GRIA1: variants seen among roughly 807,000 people sequenced by gnomAD.
GRIA1 encodes glutamate ionotropic receptor AMPA type subunit 1.
A neutral mutation model predicts 99.2 loss-of-function variants in GRIA1; 31 were observed. That is an observed-to-expected ratio of 0.31 (90% CI 0.23 to 0.42). The LOEUF is 0.42. Ranked by LOEUF, GRIA1 falls within the 10% of genes least tolerant of loss-of-function variation. GRIA1 has a pLI of 1.00. For missense variants in GRIA1, 782 were observed against 1,157.5 expected, an observed-to-expected ratio of 0.68 and a Z score of 4.71; for synonymous variants, 438 against 432.4, an observed-to-expected ratio of 1.01 and a Z score of -0.16.
intron 2 of GRIA1, among the ~76,000 whole-genome samples, chr5:153,544,683 A>G (rs1759444416): frequency 6.6e-6 from 1 of 152,184 alleles, no homozygotes; most frequent in African/African-American, 2.4e-5. Context: ...ATTTAGATAA[A>G]CCAAAGGCAG....
At chr5:153,739,214 G>A (rs193097973) in intron 11 of GRIA1, among the ~76,000 whole-genome samples, 1 of 152,178 alleles carries the variant, frequency 6.6e-6, no homozygotes, top group Non-Finnish European at 1.5e-5. Flanking sequence ...TTTCCACCAA[G>A]GATCTCATTG....
At position 153,690,634 on chromosome 5, in the gene GRIA1, A is replaced by G. The variant is rs1038356357; in HGVS notation, c.1134+4305A>G. ...TAGGCCACAGGGATTTTATATCAGCATTGCATTTGGGGGAGTCAGGCTGTG... is the reference window on the plus strand; with the variant it reads ...TAGGCCACAGGGATTTTATATCAGCGTTGCATTTGGGGGAGTCAGGCTGTG... On this transcript the variant is annotated intron_variant, in intron 8 of 15. Coordinates refer to ENST00000285900, the MANE Select transcript of GRIA1 (RefSeq NM_000827.4). Among the ~76,000 whole-genome samples the G allele has an allele frequency of 1.2e-4, 18 of 152,326 alleles. No individual in the cohort carries two copies. The East Asian group carries it at 2.7e-3, about 23-fold the overall frequency.
chr5:153,494,156 C>A, intron 2 of GRIA1, 91 bp downstream of exon 2: 3 of 1,350,910 alleles, frequency 2.2e-6, no homozygotes, highest in Non-Finnish European at 2.1e-6. Context: ...GCAAAAATGA[C>A]TTCAGTTGCC....
intron 2 of GRIA1, among the ~76,000 whole-genome samples, chr5:153,559,052 C>T (rs1201367624): frequency 1.3e-5 from 2 of 152,186 alleles, no homozygotes; most frequent in African/African-American, 4.8e-5. Flanking sequence ...CATTGCCAGC[C>T]TTCTTTCCCT....
intron 2 of GRIA1, among the ~76,000 whole-genome samples, chr5:153,571,105 T>C (rs1762076368): frequency 6.6e-6 from 1 of 152,176 alleles, no homozygotes; most frequent in Non-Finnish European, 1.5e-5. Flanking sequence ...TTTGGGGGGC[T>C]GTCCTGCACA....
intron 2 of GRIA1, among the ~76,000 whole-genome samples, chr5:153,603,570 G>T (rs1308449382): frequency 6.6e-6 from 1 of 152,214 alleles, no homozygotes; most frequent in Admixed American, 6.5e-5. Context: ...AGTGCCTAAG[G>T]TAGTAAAGGC....
At chr5:153,637,895 G>A (rs1215239114) in intron 2 of GRIA1, among the ~76,000 whole-genome samples, 2 of 152,214 alleles carry the variant, frequency 1.3e-5, no homozygotes, top group South Asian at 2.1e-4. Context: ...CTCTTTATGA[G>A]TTATTGTTCA....
At chr5:153,706,271 C>T in intron 11 of GRIA1, 3 of 594,690 alleles carry the variant, frequency 5.0e-6, no homozygotes, top group South Asian at 4.0e-5. Flanking sequence ...TCTCTGTCTG[C>T]TCTCTGGGTT....
At chr5:153,701,619 C>CAAAAAAAAAAAAAA (rs70978504) in intron 10 of GRIA1, among the ~76,000 whole-genome samples, 465 of 39,344 alleles carry the variant, frequency 0.012, 74 homozygotes, top group African/African-American at 0.029. Context: ...AGACCCGTCT[C>CAAAAAAAAAAAAAA]AAAAAAAAAA....
At chr5:153,513,677 T>A (rs1431267131) in intron 2 of GRIA1, among the ~76,000 whole-genome samples, 2 of 152,208 alleles carry the variant, frequency 1.3e-5, no homozygotes, top group Non-Finnish European at 2.9e-5. Context: ...CTGAGTACTT[T>A]AATAGCCTCT....
chr5:153,555,110 A>G (rs1430181101), intron 2 of GRIA1, among the ~76,000 whole-genome samples: 2 of 152,118 alleles, frequency 1.3e-5, no homozygotes, highest in Non-Finnish European at 2.9e-5. Flanking sequence ...GGAATTTATC[A>G]TAATGTACAT....
chr5:153,611,394 C>A (rs2149409593), intron 2 of GRIA1, among the ~76,000 whole-genome samples: 1 of 152,332 alleles, frequency 6.6e-6, no homozygotes, highest in East Asian at 1.9e-4. Context: ...CCCCTGGGAT[C>A]TGGAGTATCT....
chr5:153,537,213 C>T (rs192625517), intron 2 of GRIA1, among the ~76,000 whole-genome samples: 24 of 152,330 alleles, frequency 1.6e-4, no homozygotes, highest in African/African-American at 5.1e-4. Flanking sequence ...TGTCTGCTCT[C>T]CTCCATATCC....
chr5:153,657,722 C>T (rs564708774), intron 5 of GRIA1, among the ~76,000 whole-genome samples: 3 of 152,294 alleles, frequency 2.0e-5, no homozygotes, highest in South Asian at 2.1e-4. Flanking sequence ...CTTCTTTCCC[C>T]TTCTTCAACT....
chr5:153,583,555 T>C (rs1763225454), intron 2 of GRIA1, among the ~76,000 whole-genome samples: 1 of 152,152 alleles, frequency 6.6e-6, no homozygotes, highest in African/African-American at 2.4e-5. Flanking sequence ...CTTTTCTTCT[T>C]ATAAGGACAC....
intron 11 of GRIA1, among the ~76,000 whole-genome samples, chr5:153,720,384 T>C (rs1035956180): frequency 6.6e-6 from 1 of 152,192 alleles, no homozygotes; most frequent in African/African-American, 2.4e-5. Flanking sequence ...CATTAGTTCT[T>C]GGTGCATTCT....
intron 13 of GRIA1, among the ~76,000 whole-genome samples, chr5:153,787,708 G>A (rs1472672526): frequency 1.3e-5 from 2 of 152,138 alleles, no homozygotes; most frequent in Non-Finnish European, 2.9e-5. Context: ...TGTTTTATTA[G>A]TCAATTTATA....
At chr5:153,510,951 G>C (rs1451768938) in intron 2 of GRIA1, among the ~76,000 whole-genome samples, 1 of 152,280 alleles carries the variant, frequency 6.6e-6, no homozygotes, top group Non-Finnish European at 1.5e-5. Context: ...ATGAGGGAAG[G>C]TTGCATGGTT....
chr5:153,500,719 G>A (rs891883070), intron 2 of GRIA1, among the ~76,000 whole-genome samples: 2 of 151,116 alleles, frequency 1.3e-5, no homozygotes, highest in African/African-American at 4.9e-5. Flanking sequence ...AAGGACATTT[G>A]AGTTGAATTT....
Sources: gnomAD v4.1 joint callset for allele counts (sites outside exome capture counted in the v4.1 genomes callset) on GRCh38, gnomAD v4.1.1 for gene constraint, MANE v1.5 for transcripts, NCBI Gene and HGNC (gene_info 2026-07-23, HGNC 2026-07-21) for gene names.